TENM2: variants seen among roughly 807,000 people sequenced by gnomAD.
TENM2 encodes the protein teneurin-2.
A neutral mutation model predicts 245.2 loss-of-function variants in TENM2; 52 were observed. The ratio of observed to expected loss-of-function variants is 0.21; its 90% CI spans 0.17 to 0.27. TENM2 has a LOEUF of 0.27. Ranked by LOEUF, TENM2 falls within the 10% of genes least tolerant of loss-of-function variation. The pLI is 1.00. For synonymous variants in TENM2, 1,363 were observed against 1,438.9 expected (o/e 0.95, Z 1.19); for missense variants, 3,046 against 3,666.8 (o/e 0.83, Z 4.37).
At chr5:168,124,633 G>A (rs1285825667) in intron 10 of TENM2, among the ~76,000 whole-genome samples, 2 of 152,142 alleles carry the variant, frequency 1.3e-5, no homozygotes, top group African/African-American at 2.4e-5. Flanking sequence ...TCTTCTTCAA[G>A]TTTGAGATTT....
At position 167,375,484 on chromosome 5, in the gene TENM2, T is replaced by A. The variant is rs2127312205; in HGVS notation, c.502+11T>A. On this transcript the variant is annotated intron_variant, in intron 2 of 28. Transcript: ENST00000518659. ...CAGATGATGAGAACGGTAGGCCTGC[T>A]TCTTAAATACCTTTTAACGTTCTGT... is the stretch of plus-strand genomic sequence containing the variant. 1.3e-6 allele frequency: 2 copies of A among 1,551,316 alleles called. No homozygotes were observed. Among genetic ancestry groups the A allele is most frequent in the South Asian group, 1.2e-5 (1 of 83,944 alleles).
intron 2 of TENM2, among the ~76,000 whole-genome samples, chr5:167,856,941 C>T (rs1771149862): frequency 6.6e-6 from 1 of 152,106 alleles, no homozygotes; most frequent in Admixed American, 6.5e-5. Context: ...CCATTTTTGT[C>T]AACAAATATT....
chr5:167,919,090 C>G (rs1583365534), intron 3 of TENM2, among the ~76,000 whole-genome samples: 1 of 151,810 alleles, frequency 6.6e-6, no homozygotes, highest in Admixed American at 6.6e-5. Context: ...TGTCTGGGGG[C>G]CTCTCATATT....
intron 9 of TENM2, among the ~76,000 whole-genome samples, chr5:168,108,422 G>A (rs151252521): frequency 6.6e-6 from 1 of 152,292 alleles, no homozygotes; most frequent in Non-Finnish European, 1.5e-5. Flanking sequence ...TTTCTCATCT[G>A]TAAAATGGAG....
chr5:168,147,219 A>G lies in TENM2; in HGVS notation c.2423-15392A>G, dbSNP rs1446882305. On this transcript the variant is annotated intron_variant, in intron 12 of 28. Coordinates refer to ENST00000518659, the Ensembl canonical transcript of TENM2. The stretch of plus-strand genomic sequence containing the variant: ...CAGCAACTGTAACTCTGCCATGACT[A>G]GATTAAGGCGTAAATTGAACAGCAT... 3.3e-5 allele frequency among the ~76,000 whole-genome samples: 5 copies of G among 152,244 alleles called. No homozygotes were observed. The East Asian group carries it at 9.6e-4, about 29-fold the overall frequency.
At chr5:168,157,045 G>A (rs1480437796) in intron 12 of TENM2, among the ~76,000 whole-genome samples, 4 of 152,122 alleles carry the variant, frequency 2.6e-5, no homozygotes, top group African/African-American at 4.8e-5. Flanking sequence ...ATGGCCTAGC[G>A]AGCATCAAGG....
chr5:167,401,679 T>C (rs1282895292), intron 2 of TENM2, among the ~76,000 whole-genome samples: 1 of 152,152 alleles, frequency 6.6e-6, no homozygotes, highest in African/African-American at 2.4e-5. Flanking sequence ...TTCATTTAAA[T>C]AATATTTTTA....
intron 2 of TENM2, among the ~76,000 whole-genome samples, chr5:167,672,220 A>G (rs1317718478): frequency 6.6e-6 from 1 of 152,062 alleles, no homozygotes; most frequent in Non-Finnish European, 1.5e-5. Context: ...ATAAAATAAC[A>G]CACTGACAGA....
At chr5:167,722,958 C>T (rs74411493) in intron 2 of TENM2, among the ~76,000 whole-genome samples, 2,341 of 151,600 alleles carry the variant, frequency 0.015, 52 homozygotes, top group African/African-American at 0.053. Flanking sequence ...AGGCAACCAA[C>T]TACAAAAACC....
intron 1 of TENM2, among the ~76,000 whole-genome samples, chr5:167,372,839 C>A (rs1760517947): frequency 6.6e-6 from 1 of 152,150 alleles, no homozygotes; most frequent in South Asian, 2.1e-4. Context: ...TGTGTATACA[C>A]ACATACACAC....
At chr5:167,010,907 C>G in the TENM2 span, among the ~76,000 whole-genome samples, 1 of 152,102 alleles carries the variant, frequency 6.6e-6, no homozygotes, top group Non-Finnish European at 1.5e-5. Context: ...GTGGTTTGCT[C>G]AGTACTTTAT....
the TENM2 span, among the ~76,000 whole-genome samples, chr5:167,102,342 A>G: frequency 3.9e-5 from 6 of 152,190 alleles, no homozygotes; most frequent in South Asian, 1.0e-3. Context: ...GATAATAATA[A>G]TAATCAGCTA....
intron 1 of TENM2, among the ~76,000 whole-genome samples, chr5:167,331,938 T>C (rs1757484763): frequency 6.6e-6 from 1 of 151,958 alleles, no homozygotes; most frequent in Non-Finnish European, 1.5e-5. Context: ...AGTAAAAAAA[T>C]CAAGATAGCA....
intron 2 of TENM2, among the ~76,000 whole-genome samples, chr5:167,756,982 T>G (rs1224812920): frequency 6.6e-6 from 1 of 152,160 alleles, no homozygotes; most frequent in South Asian, 2.1e-4. Context: ...CATCTCTTTT[T>G]GGGTTTTCCA....
the TENM2 span, among the ~76,000 whole-genome samples, chr5:167,191,367 C>G: frequency 6.6e-6 from 1 of 151,942 alleles, no homozygotes; most frequent in South Asian, 2.1e-4. Flanking sequence ...TGATCATTCC[C>G]AGAAAGCTTT....
chr5:167,950,243 C>T (rs1779973419), intron 3 of TENM2, among the ~76,000 whole-genome samples: 1 of 152,148 alleles, frequency 6.6e-6, no homozygotes, highest in African/African-American at 2.4e-5. Flanking sequence ...CCCTGGGGAC[C>T]AGCCCTGGAT....
chr5:167,793,068 G>C (rs1765092843), intron 2 of TENM2, among the ~76,000 whole-genome samples: 1 of 152,128 alleles, frequency 6.6e-6, no homozygotes. Flanking sequence ...AAATAGGCTG[G>C]GTGAAAGAGC....
chr5:167,095,018 G>T, the TENM2 span, among the ~76,000 whole-genome samples: 3 of 152,146 alleles, frequency 2.0e-5, no homozygotes, highest in Non-Finnish European at 2.9e-5. Context: ...TACAACAGGG[G>T]TGTATGGTTA....
chr5:167,727,104 CTT>C (rs1227700479), intron 2 of TENM2, among the ~76,000 whole-genome samples: 5 of 96,130 alleles, frequency 5.2e-5, no homozygotes, highest in East Asian at 3.8e-4. Flanking sequence ...CCATTAATTT[CTT>C]TTTTTTTTTT....
Sources: gnomAD v4.1 joint callset for allele counts (sites outside exome capture counted in the v4.1 genomes callset) on GRCh38, gnomAD v4.1.1 for gene constraint, MANE v1.5 for transcripts, NCBI Gene and HGNC (gene_info 2026-07-23, HGNC 2026-07-21) for gene names.